SYNPO: variants seen among roughly 807,000 people sequenced by gnomAD.
SYNPO encodes synaptopodin.
In SYNPO, 19 loss-of-function variants were observed where a neutral mutation model predicts 49.5. The ratio of observed to expected loss-of-function variants is 0.38; its 90% CI spans 0.27 to 0.56. SYNPO has a LOEUF of 0.56. SYNPO is among the 20% of genes least tolerant of loss of function. The probability of loss-of-function intolerance (pLI) is 0.68; values close to 1 mark genes in which losing one functional copy is unlikely to be tolerated. For missense variants in SYNPO, 1,131 were observed against 1,248.3 expected, an observed-to-expected ratio of 0.91 and a Z score of 1.42; for synonymous variants, 536 against 548.0, an observed-to-expected ratio of 0.98 and a Z score of 0.31.
intron 1 of SYNPO, chr5:150,617,978 G>A (rs2151365228): frequency 5.9e-6 from 1 of 169,748 alleles, no homozygotes; most frequent in East Asian, 1.5e-4. Context: ...TGGAAGTGTG[G>A]AACCTGCACC....
chr5:150,595,689 C>T, the SYNPO span, among the ~76,000 whole-genome samples: 3 of 152,240 alleles, frequency 2.0e-5, no homozygotes, highest in South Asian at 2.1e-4. Flanking sequence ...TTTTCTTTCT[C>T]GTGCAGACTG....
At chr5:150,614,649 T>C (rs1255683829) in intron 1 of SYNPO, 1 of 152,224 alleles carries the variant, frequency 6.6e-6, no homozygotes, top group Non-Finnish European at 1.5e-5. Flanking sequence ...CTGTGGACTC[T>C]ATCAGCCATT....
intron 2 of SYNPO, among the ~76,000 whole-genome samples, chr5:150,619,037 A>G (rs2569083): frequency 1.0e-4 from 13 of 126,994 alleles, no homozygotes; most frequent in Admixed American, 2.2e-4. Context: ...TTGCTTGGCT[A>G]AAAAAAAAAA....
At chr5:150,629,860 A>G (rs1209544517) in intron 2 of SYNPO, among the ~76,000 whole-genome samples, 2 of 152,132 alleles carry the variant, frequency 1.3e-5, no homozygotes, top group Non-Finnish European at 2.9e-5. Context: ...AAGGTCGCAC[A>G]CCTGGTAAGT....
At chr5:150,630,077 G>A (rs558241058) in intron 2 of SYNPO, among the ~76,000 whole-genome samples, 3 of 152,294 alleles carry the variant, frequency 2.0e-5, no homozygotes, top group African/African-American at 7.2e-5. Flanking sequence ...AGGGTCCGGG[G>A]CTCTGAGATT....
At chr5:150,632,352 G>A (rs138595926) in intron 2 of SYNPO, among the ~76,000 whole-genome samples, 1 of 152,154 alleles carries the variant, frequency 6.6e-6, no homozygotes, top group Non-Finnish European at 1.5e-5. Flanking sequence ...CGCTATTCTA[G>A]GTCAGTTATT....
chr5:150,655,678 A>G (rs551584274), intron 2 of SYNPO, among the ~76,000 whole-genome samples: 21 of 152,320 alleles, frequency 1.4e-4, no homozygotes, highest in African/African-American at 4.8e-4. Context: ...ATTGAGACAG[A>G]GTCTCGCTGT....
At chr5:150,602,661 C>T (rs6579795) in intron 1 of SYNPO, among the ~76,000 whole-genome samples, 50,621 of 151,980 alleles carry the variant, frequency 0.33, 8,926 homozygotes, top group Middle Eastern at 0.49. Flanking sequence ...CGCTCTGTCA[C>T]CCAGGCTGGA....
intron 2 of SYNPO, chr5:150,651,239 G>A: frequency 2.0e-6 from 2 of 1,003,092 alleles, no homozygotes. Context: ...CTGACTAAAA[G>A]AAGCCACCTC....
chr5:150,587,946 T>G, the SYNPO span, among the ~76,000 whole-genome samples: 5 of 152,248 alleles, frequency 3.3e-5, no homozygotes, highest in East Asian at 5.8e-4. Context: ...CTTGCATTTT[T>G]GGGAAGGTCA....
At chr5:150,631,847 C>T (rs80121707) in intron 2 of SYNPO, among the ~76,000 whole-genome samples, 2,981 of 152,228 alleles carry the variant, frequency 0.02, 114 homozygotes, top group East Asian at 0.19. Flanking sequence ...AGAGTGCGTT[C>T]CTGGGCAGGA....
At chr5:150,599,646 T>G (rs897525759), upstream of SYNPO, among the ~76,000 whole-genome samples, 2 of 151,826 alleles carry the variant, frequency 1.3e-5, no homozygotes, top group East Asian at 3.9e-4. Flanking sequence ...CGGAGAAGAG[T>G]CCCTGAGAAG....
At chr5:150,608,846 T>G (rs1440052396) in intron 1 of SYNPO, among the ~76,000 whole-genome samples, 1 of 152,202 alleles carries the variant, frequency 6.6e-6, no homozygotes, top group Non-Finnish European at 1.5e-5. Flanking sequence ...AGTTTGGGAA[T>G]TGCCATGCTA....
intron 1 of SYNPO, among the ~76,000 whole-genome samples, chr5:150,607,381 G>T (rs906071686): frequency 6.6e-6 from 1 of 152,156 alleles, no homozygotes; most frequent in South Asian, 2.1e-4. Flanking sequence ...TAATATTGGG[G>T]TCAGTTTATT....
chr5:150,656,387 C>T lies in SYNPO; in HGVS notation c.2029-17C>T, dbSNP rs770184605. ...TCAGCACTAATGCCTGCCCCACCCT[C>T]TCTGCTCTCTCCCCAGGACCGCCGG... On this transcript the variant is annotated splice_polypyrimidine_tract_variant and intron_variant, in intron 2 of 2. Coordinates refer to ENST00000307662, the MANE Select transcript of SYNPO (RefSeq NM_007286.6). 1 of 1,525,230 alleles carries T rather than the reference C, an allele frequency of 6.6e-7. No individual in the cohort carries two copies. 94.5% of individuals were successfully genotyped at this position (1,525,230 alleles called of 1,614,324 possible). A position where few individuals can be genotyped will look rare whatever the true frequency, so the allele number is the denominator to read the frequency against.
intron 1 of SYNPO, among the ~76,000 whole-genome samples, chr5:150,644,306 A>G (rs1408557672): frequency 6.6e-6 from 1 of 152,180 alleles, no homozygotes; most frequent in African/African-American, 2.4e-5. Context: ...TTGCACACTC[A>G]GCATGTTGTT....
Position 150,657,382 on chromosome 5 carries a change from C to A in SYNPO, c.*295C>A, listed in dbSNP as rs1236823221. 2.2e-6 allele frequency: 1 copy of A among 461,350 alleles called. No individual in the cohort carries two copies. Among genetic ancestry groups the A allele is most frequent in the Non-Finnish European group, 4.0e-6 (1 of 252,520 alleles). 28.6% of individuals were successfully genotyped at this position (461,350 alleles called of 1,614,324 possible). A position where few individuals can be genotyped will look rare whatever the true frequency, so the allele number is the denominator to read the frequency against. On this transcript the variant is annotated 3_prime_UTR_variant, in exon 3 of 3. Coordinates refer to ENST00000307662, the MANE Select transcript of SYNPO (RefSeq NM_007286.6). ...CAAACGTCAAAATTCCCCTTCCCATCAGTACACACACCGATGCACACACAC... is the reference window on the plus strand; with the variant it reads ...CAAACGTCAAAATTCCCCTTCCCATAAGTACACACACCGATGCACACACAC...
rs779905679 is a variant in SYNPO at position 150,648,492 on chromosome 5, C to T, written c.217C>T (p.Leu73Phe). ...CCCAGCTGCAGATGTCAACCAAAAC[C>T]TTGCCTCGCCCAGTGCCACGCTCAC... ...HSPAADVNQNLASPSATLTTP... is the reference protein window; with the variant it reads ...HSPAADVNQNFASPSATLTTP... The change falls in exon 2 of 3, where the codon CTT (leucine) becomes TTT (phenylalanine). Residue 73 changes from leucine to phenylalanine, a missense_variant. By Grantham distance (22) the Leu-to-Phe change is conservative. This residue lies in a region of SYNPO where 602 missense variants were observed against 720.7 expected (regional missense o/e 0.84). Coordinates refer to ENST00000307662, the MANE Select transcript of SYNPO (RefSeq NM_007286.6). The surrounding 1 kb of genome is among the most constrained non-coding windows in gnomAD (Gnocchi z 5.0). 3.1e-6 allele frequency: 5 copies of T among 1,614,224 alleles called. No homozygotes were observed. Among genetic ancestry groups the T allele is most frequent in the Non-Finnish European group, 3.4e-6 (4 of 1,180,040 alleles).
intron 2 of SYNPO, 40 bp downstream of exon 2, chr5:150,650,343 C>G (rs551124312): frequency 1.4e-5 from 22 of 1,612,978 alleles, no homozygotes; most frequent in Non-Finnish European, 1.8e-5. Flanking sequence ...ACGAACCCCA[C>G]GGGGGTCCCA....
Sources: gnomAD v4.1 joint callset for allele counts (sites outside exome capture counted in the v4.1 genomes callset) on GRCh38, gnomAD v4.1.1 for gene constraint, gnomAD v4.1.1 regional missense constraint, Gnocchi (gnomAD v3.1) non-coding constraint, MANE v1.5 for transcripts, NCBI Gene and HGNC (gene_info 2026-07-23, HGNC 2026-07-21) for gene names.